The following RRH variants were observed in gnomAD, a reference collection of about 807,000 sequenced individuals.
The protein encoded by RRH is visual pigment-like receptor peropsin.
RRH carries 36 observed loss-of-function variants against 33.1 expected under a neutral mutation model. That is an observed-to-expected ratio of 1.09 (90% CI 0.83 to 1.44). The LOEUF (loss-of-function observed/expected upper bound fraction) is 1.44, where lower values mean the gene tolerates loss of function less well. RRH is among the 40% of genes most tolerant of loss of function. The probability of loss-of-function intolerance (pLI) is 0.00; values close to 1 mark genes in which losing one functional copy is unlikely to be tolerated. For synonymous variants in RRH, 124 were observed against 140.2 expected (o/e 0.88, Z 0.82); for missense variants, 393 against 420.2 (o/e 0.94, Z 0.57).
chr4:109,828,016 C>T lies in RRH; in HGVS notation c.-12C>T, dbSNP rs778768746. 2 of 1,547,944 alleles carry T rather than the reference C, an allele frequency of 1.3e-6. No homozygotes were observed. The highest frequency in any genetic ancestry group is 1.1e-5 in the South Asian group (1 of 89,656). ...CTTATTATGAAGGGTGTTTCGGTAT[C>T]TTCCCTCCAAAATGCTAAGAAATAA... On this transcript the variant is annotated 5_prime_UTR_variant, in exon 1 of 7. Transcript: ENST00000317735.
At chr4:109,834,220 T>G (rs940875593) in intron 2 of RRH, among the ~76,000 whole-genome samples, 4 of 152,212 alleles carry the variant, frequency 2.6e-5, no homozygotes, top group Middle Eastern at 3.2e-3. Flanking sequence ...CTGTAAGTCA[T>G]TCATTTTAAC....
chr4:109,835,544 T>C lies in RRH; in HGVS notation c.397+79T>C, dbSNP rs1214626346. The C allele has an allele frequency of 1.1e-5, 11 of 999,790 alleles. No homozygotes were observed. In the African/African-American group the frequency reaches 1.6e-4, roughly 14 times the overall value. 61.9% of individuals were successfully genotyped at this position (999,790 alleles called of 1,614,324 possible). A position where few individuals can be genotyped will look rare whatever the true frequency, so the allele number is the denominator to read the frequency against. ...CTCAATATATATATACGCTAAAATA[T>C]AAACCTAATGGTTTGTAGTTAGGGT... On this transcript the variant is annotated intron_variant, in intron 3 of 6. Coordinates refer to ENST00000317735, the MANE Select transcript of RRH (RefSeq NM_006583.5).
intron 5 of RRH, among the ~76,000 whole-genome samples, chr4:109,839,939 G>A (rs1733955663): frequency 1.3e-5 from 2 of 152,152 alleles, no homozygotes; most frequent in Admixed American, 1.3e-4. Context: ...ACATGTGCAT[G>A]TGTCTTTATA....
At chr4:109,830,889 G>C (rs1733735461) in intron 1 of RRH, among the ~76,000 whole-genome samples, 2 of 152,104 alleles carry the variant, frequency 1.3e-5, no homozygotes, top group Non-Finnish European at 2.9e-5. Context: ...AAGACAAGAA[G>C]GAAAATGTTT....
chr4:109,828,248 C>A, intron 1 of RRH, 115 bp downstream of exon 1: 1 of 702,478 alleles, frequency 1.4e-6, no homozygotes, highest in Non-Finnish European at 2.6e-6. Flanking sequence ...CTTGACAAGT[C>A]ATTTATCCTG....
intron 5 of RRH, among the ~76,000 whole-genome samples, chr4:109,838,674 C>A (rs1302366115): frequency 6.6e-6 from 1 of 152,130 alleles, no homozygotes; most frequent in Non-Finnish European, 1.5e-5. Context: ...ATTCTAGGTG[C>A]AAAAGTAATA....
chr4:109,835,279 T>G, intron 2 of RRH, 87 bp from the exon 3 acceptor site: 1 of 830,648 alleles, frequency 1.2e-6, no homozygotes, highest in Non-Finnish European at 2.1e-6. Context: ...TTAGTATATT[T>G]GAGATATATT....
intron 4 of RRH, 83 bp from the exon 5 acceptor site, chr4:109,837,354 G>GT: frequency 2.5e-6 from 3 of 1,218,530 alleles, no homozygotes; most frequent in Non-Finnish European, 3.6e-6. Context: ...TACCAGTATT[G>GT]TTTTTAATAA....
At chr4:109,837,230 T>A (rs900061547) in intron 4 of RRH, among the ~76,000 whole-genome samples, 1 of 152,198 alleles carries the variant, frequency 6.6e-6, no homozygotes, top group Non-Finnish European at 1.5e-5. Context: ...AAAACTTTAT[T>A]TACAAAGATG....
In RRH at chr4:109,838,071, C is replaced by T. The variant is rs146034736; in HGVS notation, c.720+466C>T. Reference sequence around the variant, plus strand: ...CTGGGATTACAGGTGTGAGCCAATGCGCCTGGCCACTTGCCTTCTTATTTC... The same window carrying T: ...CTGGGATTACAGGTGTGAGCCAATGTGCCTGGCCACTTGCCTTCTTATTTC... On this transcript the variant is annotated intron_variant, in intron 5 of 6. Transcript: ENST00000317735. 2.4e-3 allele frequency among the ~76,000 whole-genome samples: 363 copies of T among 152,276 alleles called. 1 individual carries two copies. The highest frequency in any genetic ancestry group is 8.4e-3 in the African/African-American group (348 of 41,544).
At chr4:109,833,046 A>G (rs754292784) in intron 1 of RRH, 93 bp from the exon 2 acceptor site, 3 of 1,001,850 alleles carry the variant, frequency 3.0e-6, no homozygotes, top group Non-Finnish European at 4.7e-6. Flanking sequence ...TAGATCTGTT[A>G]TGTTTTTAAA....
chr4:109,843,489 G>A (rs1420604761), intron 6 of RRH, among the ~76,000 whole-genome samples: 2 of 152,216 alleles, frequency 1.3e-5, no homozygotes, highest in Non-Finnish European at 2.9e-5. Context: ...GATTACAGGC[G>A]TGAGCCACCG....
At chr4:109,842,691 AT>A (rs1734008281) in intron 6 of RRH, 44 bp downstream of exon 6, 1 of 1,526,096 alleles carries the variant, frequency 6.6e-7, no homozygotes, top group African/African-American at 1.4e-5. Flanking sequence ...TAAAACTGAT[AT>A]AAAAAGAATG....
chr4:109,844,348 C>T lies in RRH; in HGVS notation c.*151C>T. The T allele has an allele frequency of 1.7e-6, 1 of 590,862 alleles. No homozygotes were observed. The highest frequency in any genetic ancestry group is 4.4e-4 in the Middle Eastern group (1 of 2,252). The allele number at this position is 590,862 out of a possible 1,614,324, so 36.6% of individuals were successfully genotyped here. On this transcript the variant is annotated 3_prime_UTR_variant, in exon 7 of 7. Coordinates refer to ENST00000317735, the MANE Select transcript of RRH (RefSeq NM_006583.5). ...AGCACAGCTCGTGCTTCTGTTTGTG[C>T]ACTCTGGCTGCTGTAGTGTATGCTT...
chr4:109,840,415 G>A (rs1733963771), intron 5 of RRH, among the ~76,000 whole-genome samples: 1 of 152,050 alleles, frequency 6.6e-6, no homozygotes, highest in Non-Finnish European at 1.5e-5. Flanking sequence ...CATTCTGTCG[G>A]TTGTCTGTTT....
rs1211201240 is a variant in RRH at position 109,842,380 on chromosome 4, C to T, written c.721-89C>T. 4.9e-6 allele frequency: 6 copies of T among 1,217,126 alleles called. No individual in the cohort carries two copies. In the East Asian group the frequency reaches 8.2e-5, roughly 17 times the overall value. 75.4% of individuals were successfully genotyped at this position (1,217,126 alleles called of 1,614,324 possible). A position where few individuals can be genotyped will look rare whatever the true frequency, so the allele number is the denominator to read the frequency against. ...CAAAAACATAAACATATTCAAATTC[C>T]AACCCAGATAGATTTTTACCCAACT... On this transcript the variant is annotated intron_variant, in intron 5 of 6. Coordinates refer to ENST00000317735, the MANE Select transcript of RRH (RefSeq NM_006583.5).
At chr4:109,834,858 C>T (rs1733846611) in intron 2 of RRH, among the ~76,000 whole-genome samples, 1 of 152,160 alleles carries the variant, frequency 6.6e-6, no homozygotes, top group African/African-American at 2.4e-5. Context: ...TTCTCCTTAA[C>T]ATTTGGGATT....
At chr4:109,828,217 A>G in intron 1 of RRH, 84 bp downstream of exon 1, 2 of 941,472 alleles carry the variant, frequency 2.1e-6, no homozygotes, top group South Asian at 2.6e-5. Flanking sequence ...CATTGTTTCA[A>G]GTTCCATATT....
chr4:109,830,841 A>G (rs1660640529), intron 1 of RRH, among the ~76,000 whole-genome samples: 1 of 152,152 alleles, frequency 6.6e-6, no homozygotes, highest in South Asian at 2.1e-4. Context: ...GAAGTAGATC[A>G]AGAAGGGTCT....
Sources: gnomAD v4.1 joint callset for allele counts (sites outside exome capture counted in the v4.1 genomes callset) on GRCh38, gnomAD v4.1.1 for gene constraint, MANE v1.5 for transcripts, NCBI Gene and HGNC (gene_info 2026-07-23, HGNC 2026-07-21) for gene names.